The following MYO16 variants were observed in gnomAD, a reference collection of about 807,000 sequenced individuals.
The protein encoded by MYO16 is unconventional myosin-XVI.
In MYO16, 94 loss-of-function variants were observed where a neutral mutation model predicts 205.3. The ratio of observed to expected loss-of-function variants is 0.46; its 90% CI spans 0.39 to 0.54. The LOEUF is 0.54. MYO16 is among the 20% of genes least tolerant of loss of function. MYO16 has a pLI of 0.00. For synonymous variants in MYO16, 988 were observed against 954.0 expected (o/e 1.04, Z -0.66); for missense variants, 2,315 against 2,387.5 (o/e 0.97, Z 0.63).
At chr13:109,006,916 C>T (rs9645909) in intron 21 of MYO16, among the ~76,000 whole-genome samples, 23,012 of 151,830 alleles carry the variant, frequency 0.15, 2,156 homozygotes, top group Non-Finnish European at 0.2. Context: ...CACGAAGAGT[C>T]GGGAAAGGAG....
intron 1 of MYO16, among the ~76,000 whole-genome samples, chr13:108,643,121 C>T (rs944186003): frequency 5.3e-5 from 8 of 152,186 alleles, no homozygotes; most frequent in South Asian, 2.1e-4. Flanking sequence ...ATATTTTTCT[C>T]ACTCCAAAGA....
chr13:108,811,907 A>G (rs1194308782), intron 7 of MYO16, among the ~76,000 whole-genome samples: 2 of 152,184 alleles, frequency 1.3e-5, no homozygotes, highest in Non-Finnish European at 2.9e-5. Flanking sequence ...ATACTGTGTC[A>G]ACACAGTATC....
the MYO16 span, among the ~76,000 whole-genome samples, chr13:108,565,339 C>A: frequency 6.6e-6 from 1 of 151,680 alleles, no homozygotes; most frequent in Non-Finnish European, 1.5e-5. Flanking sequence ...ATTTTTTTGT[C>A]CTCTTCAGTT....
chr13:108,855,450 T>A lies in MYO16; in HGVS notation c.1256T>A (p.Leu419Gln), dbSNP rs767129583. 1 of 1,575,334 alleles carries A rather than the reference T, an allele frequency of 6.3e-7. No homozygotes were observed. The highest frequency in any genetic ancestry group is 8.7e-7 in the Non-Finnish European group (1 of 1,150,280). The change falls in exon 11 of 35, where the codon CTA becomes CAA. Residue 419 changes from leucine to glutamine, a missense_variant. Physicochemically the swap from Leu to Gln is moderately radical, Grantham distance 113. Transcript: ENST00000457511. ...CTTTCGGTTCTTCCCCAGGTCAAGC[T>A]AATGCCTCCTGCCCCAAACGATGAC... is the stretch of plus-strand genomic sequence containing the variant. ...SGSTKPEQVK[L>Q]MPPAPNDDLA...
rs1483948359 is a variant in MYO16, at chr13:108,821,437, A to T, written c.943+1025A>T. Among the ~76,000 whole-genome samples the T allele has an allele frequency of 2.0e-5, 3 of 152,210 alleles. No individual in the cohort carries two copies. In the East Asian group the frequency reaches 5.8e-4, roughly 29 times the overall value. On this transcript the variant is annotated intron_variant, in intron 8 of 34. Coordinates refer to ENST00000457511, the MANE Select transcript of MYO16 (RefSeq NM_001198950.3). ...AGCTAATATTACTTATAGTCTAGTA[A>T]TCTTAACATTAACTATATTAGTATG...
intron 4 of MYO16, among the ~76,000 whole-genome samples, chr13:108,752,244 A>G (rs544762454): frequency 8.5e-5 from 13 of 152,240 alleles, no homozygotes; most frequent in Non-Finnish European, 1.3e-4. Flanking sequence ...AGAAAGACCA[A>G]GTCTCATTGT....
the MYO16 span, among the ~76,000 whole-genome samples, chr13:108,516,127 G>T: frequency 4.6e-5 from 7 of 151,726 alleles, no homozygotes; most frequent in South Asian, 1.3e-3. Flanking sequence ...CAATCAGCGC[G>T]ATTCCGTGGG....
At chr13:109,195,856 A>G (rs1269080899) in intron 34 of MYO16, among the ~76,000 whole-genome samples, 1 of 152,174 alleles carries the variant, frequency 6.6e-6, no homozygotes, top group Non-Finnish European at 1.5e-5. Context: ...GATCCACAGG[A>G]ATGCATATCC....
Position 108,882,925 on chromosome 13 carries a change from T to C in MYO16, c.1426-134T>C, listed in dbSNP as rs1380694503. 6 of 1,266,626 alleles carry C rather than the reference T, an allele frequency of 4.7e-6. No individual in the cohort carries two copies. The South Asian group carries it at 6.7e-5, about 14-fold the overall frequency. 78.5% of individuals were successfully genotyped at this position (1,266,626 alleles called of 1,614,324 possible). On this transcript the variant is annotated intron_variant, in intron 12 of 34. Transcript: ENST00000457511. ...AAGGGTGTAATTTTACAAATGTTTT[T>C]ACATACCAATGAGATTCAGAATTAG...
At chr13:108,837,100 G>T (rs1273484615) in intron 9 of MYO16, among the ~76,000 whole-genome samples, 1 of 152,176 alleles carries the variant, frequency 6.6e-6, no homozygotes, top group African/African-American at 2.4e-5. Flanking sequence ...CCCACGTGTG[G>T]TGGGAGGGAT....
chr13:108,820,345 G>A lies in MYO16; in HGVS notation c.876G>A (p.Leu292=). The part of the protein sequence containing the change: ...HLAAKYGQTN[L]VKLLLMHQAN... ...TATCTTTAATATTTCAGACAAATCT[G>A]GTGAAACTTCTCCTGATGCATCAGG... Residue 292 remains leucine, a synonymous_variant, in exon 8 of 35, where the codon CTG becomes CTA. Coordinates refer to ENST00000457511, the MANE Select transcript of MYO16 (RefSeq NM_001198950.3). 2 of 1,598,980 alleles carry A rather than the reference G, an allele frequency of 1.3e-6. No individual in the cohort carries two copies. The highest frequency in any genetic ancestry group is 1.7e-6 in the Non-Finnish European group (2 of 1,172,140).
intron 3 of MYO16, among the ~76,000 whole-genome samples, chr13:108,717,655 G>A (rs2139562918): frequency 6.9e-6 from 1 of 145,252 alleles, no homozygotes; most frequent in East Asian, 2.0e-4. Flanking sequence ...AAAAAATTGA[G>A]CCATAATGTA....
intron 32 of MYO16, among the ~76,000 whole-genome samples, chr13:109,148,067 C>G (rs1426674350): frequency 1.3e-5 from 2 of 152,098 alleles, no homozygotes; most frequent in Middle Eastern, 3.2e-3. Flanking sequence ...GCCAAGAGTG[C>G]TTGTGCCTGA....
chr13:108,596,194 A>C (rs1395388446), exon 1 of MYO16: 1 of 152,104 alleles, frequency 6.6e-6, no homozygotes, highest in African/African-American at 2.4e-5. Flanking sequence ...AGAGATTTCC[A>C]AAGGTTGTAT....
At chr13:108,808,993 C>G (rs1887202772) in intron 7 of MYO16, among the ~76,000 whole-genome samples, 1 of 152,150 alleles carries the variant, frequency 6.6e-6, no homozygotes, top group Non-Finnish European at 1.5e-5. Context: ...TATTACCTGC[C>G]TTTACCTGTC....
At chr13:108,583,444 G>T in the MYO16 span, among the ~76,000 whole-genome samples, 1 of 152,054 alleles carries the variant, frequency 6.6e-6, no homozygotes, top group Non-Finnish European at 1.5e-5. Flanking sequence ...ATATGCTTTT[G>T]GGTTGCTAAC....
rs753496519 is a variant in MYO16 at position 108,665,897 on chromosome 13, C to G, written c.40C>G (p.Leu14Val). 1.9e-6 allele frequency: 3 copies of G among 1,613,636 alleles called. No individual in the cohort carries two copies. Among genetic ancestry groups the G allele is most frequent in the Non-Finnish European group, 2.5e-6 (3 of 1,179,688 alleles). ...YHFIKCCCFQ[L>V]CNVFRSHEME... ...TGCATTTCTTCCAGGTTGCTTTCAGCTATGTAACGTTTTTCGATCCCATGA... is the reference window on the plus strand; with the variant it reads ...TGCATTTCTTCCAGGTTGCTTTCAGGTATGTAACGTTTTTCGATCCCATGA... The change falls in exon 2 of 35, where the codon CTA becomes GTA. Residue 14 changes from leucine (L) to valine (V), a missense_variant. Leu to Val is a conservative substitution (Grantham distance 32, BLOSUM62 1). This residue lies in a region of MYO16 where 1,213 missense variants were observed against 1,274.4 expected (regional missense o/e 0.95). Coordinates refer to ENST00000457511, the MANE Select transcript of MYO16 (RefSeq NM_001198950.3).
At chr13:108,517,315 A>G in the MYO16 span, among the ~76,000 whole-genome samples, 1 of 152,130 alleles carries the variant, frequency 6.6e-6, no homozygotes, top group Non-Finnish European at 1.5e-5. Context: ...GAGTGTGCCT[A>G]GAAAGGGAGG....
chr13:108,526,697 A>C, the MYO16 span, among the ~76,000 whole-genome samples: 1 of 152,334 alleles, frequency 6.6e-6, no homozygotes, highest in South Asian at 2.1e-4. Context: ...CTCACTTTCC[A>C]TTTATTCCTC....
Sources: allele counts gnomAD v4.1 joint callset (sites outside exome capture counted in the v4.1 genomes callset), GRCh38; gene constraint gnomAD v4.1.1; regional missense constraint gnomAD v4.1.1; transcripts MANE v1.5; gene names NCBI Gene and HGNC (gene_info 2026-07-23, HGNC 2026-07-21).